The following ZNF595 variants were observed in gnomAD, a reference collection of about 807,000 sequenced individuals.
The protein encoded by ZNF595 is zinc finger protein 595.
In ZNF595, 9 loss-of-function variants were observed where a neutral mutation model predicts 19.4. The observed-to-expected ratio is 0.46, with a 90% CI of 0.28 to 0.81. ZNF595 has a LOEUF of 0.81. Among genes scored for constraint, ZNF595 ranks in the 30% least tolerant of loss-of-function variants. The pLI, the probability that ZNF595 is intolerant of heterozygous loss-of-function variation, is 0.11. For missense variants in ZNF595, 729 were observed against 736.0 expected (o/e 0.99, Z 0.11); for synonymous variants, 255 against 255.9 (o/e 1.00, Z 0.03).
chr4:69,839 T>C (rs1553797613), intron 3 of ZNF595, among the ~76,000 whole-genome samples: 2 of 152,182 alleles, frequency 1.3e-5, no homozygotes, highest in African/African-American at 4.8e-5. Context: ...TCAAGACATT[T>C]TTGCCCAGTT....
At chr4:83,611 C>A (rs1316062280) in intron 3 of ZNF595, among the ~76,000 whole-genome samples, 1 of 113,584 alleles carries the variant, frequency 8.8e-6, no homozygotes, top group Non-Finnish European at 1.7e-5. Flanking sequence ...CAGAGTGAGA[C>A]TCCGTCTCAA....
Position 86,126 on chromosome 4 carries a change from G to C in ZNF595, c.622G>C (p.Ala208Pro), listed in dbSNP as rs1308933450. 6.2e-7 allele frequency: 1 copy of C among 1,613,536 alleles called. No individual in the cohort carries two copies. Among genetic ancestry groups the C allele is most frequent in the African/African-American group, 1.3e-5 (1 of 74,908 alleles). The change falls in exon 4 of 4, where the codon GCC (alanine) becomes CCC (proline). Residue 208 changes from alanine (A) to proline (P), a missense_variant. Physicochemically the swap from Ala to Pro is conservative, Grantham distance 27 (BLOSUM62 -1). Coordinates refer to ENST00000610261, the MANE Select transcript of ZNF595 (RefSeq NM_182524.4). ...CTACAAATGTGAAAAATGTGGCAAA[G>C]CCTTTAATAGGTCCACATCACTTAG... is the stretch of plus-strand genomic sequence containing the variant. ...KPYKCEKCGK[A>P]FNRSTSLSKH... is the part of the protein sequence containing the mutation.
At chr4:77,054 A>T (rs960930153) in intron 3 of ZNF595, among the ~76,000 whole-genome samples, 6 of 152,104 alleles carry the variant, frequency 3.9e-5, no homozygotes, top group Admixed American at 2.6e-4. Flanking sequence ...TTCTCTCTCT[A>T]CCCTGAACAT....
chr4:84,134 A>C (rs1412206041), intron 3 of ZNF595, among the ~76,000 whole-genome samples: 1 of 152,132 alleles, frequency 6.6e-6, no homozygotes, highest in Non-Finnish European at 1.5e-5. Flanking sequence ...TATTAATGTC[A>C]CTAATTATAT....
intron 3 of ZNF595, among the ~76,000 whole-genome samples, chr4:76,823 C>G (rs1465533185): frequency 6.6e-6 from 1 of 152,108 alleles, no homozygotes; most frequent in Admixed American, 6.5e-5. Flanking sequence ...TGCTGATAAC[C>G]TTATAGGGGT....
intron 3 of ZNF595, among the ~76,000 whole-genome samples, chr4:72,449 G>A (rs1402275619): frequency 1.3e-5 from 2 of 152,148 alleles, no homozygotes; most frequent in Non-Finnish European, 2.9e-5. Context: ...TACATTGGTG[G>A]TTTATAGAGA....
At chr4:79,634 T>C (rs1713820172) in intron 3 of ZNF595, among the ~76,000 whole-genome samples, 1 of 152,028 alleles carries the variant, frequency 6.6e-6, no homozygotes, top group Non-Finnish European at 1.5e-5. Context: ...AGCTTTATAG[T>C]ATATTTTCGA....
At chr4:68,487 T>G (rs1581337591) in intron 3 of ZNF595, 1 of 152,254 alleles carries the variant, frequency 6.6e-6, no homozygotes, top group Non-Finnish European at 1.5e-5. Flanking sequence ...GTACAAATTC[T>G]TAACTATGTT....
intron 3 of ZNF595, among the ~76,000 whole-genome samples, chr4:69,399 C>A (rs1017366225): frequency 6.6e-6 from 1 of 152,042 alleles, no homozygotes; most frequent in African/African-American, 2.4e-5. Context: ...TCCTTACTGG[C>A]GTTTGTTATT....
chr4:74,839 A>G (rs1362744663), intron 3 of ZNF595, among the ~76,000 whole-genome samples: 1 of 152,198 alleles, frequency 6.6e-6, no homozygotes, highest in African/African-American at 2.4e-5. Flanking sequence ...AATGGGAGGC[A>G]GGTTGGCACT....
At chr4:80,803 A>C (rs1384087220) in intron 3 of ZNF595, among the ~76,000 whole-genome samples, 4 of 151,276 alleles carry the variant, frequency 2.6e-5, no homozygotes, top group African/African-American at 9.7e-5. Flanking sequence ...CTGGATGTAC[A>C]CGTGCAGGCT....
At chr4:69,221 G>T (rs1487046162) in intron 3 of ZNF595, among the ~76,000 whole-genome samples, 5 of 152,186 alleles carry the variant, frequency 3.3e-5, no homozygotes, top group African/African-American at 1.2e-4. Flanking sequence ...AAATGGAGGT[G>T]CAGATATCTC....
rs782259809 is a variant in ZNF595 at position 87,220 on chromosome 4, C to G, written c.1716C>G (p.Ala572=). 1 of 1,594,604 alleles carries G rather than the reference C, an allele frequency of 6.3e-7. No homozygotes were observed. Among genetic ancestry groups the G allele is most frequent in the South Asian group, 1.1e-5 (1 of 90,340 alleles). The change falls in exon 4 of 4, where the codon GCC becomes GCG. Residue 572 remains alanine (A), a synonymous_variant. Coordinates refer to ENST00000610261, the MANE Select transcript of ZNF595 (RefSeq NM_182524.4). ...KPYKCKECGK[A]YNLSSTLTKH... The stretch of plus-strand genomic sequence containing the variant: ...ACAAATGCAAAGAATGTGGCAAAGC[C>G]TATAACTTATCCTCAACCCTTACTA...
rs782366060 is a variant in ZNF595, at chr4:82,793, G to A, written c.227-2938G>A. Among the ~76,000 whole-genome samples, 54 of 152,232 alleles carry A rather than the reference G, an allele frequency of 3.5e-4. 1 individual carries two copies. Among genetic ancestry groups the A allele is most frequent in the South Asian group, 1.2e-3 (6 of 4,820 alleles). The stretch of plus-strand genomic sequence containing the variant: ...GTTAAGACTTTTTTGTAGCCTAACA[G>A]GTGGTCTATCAAGGAGAATATTTTA... On this transcript the variant is annotated intron_variant, in intron 3 of 3. Coordinates refer to ENST00000610261, the MANE Select transcript of ZNF595 (RefSeq NM_182524.4).
chr4:68,791 A>G (rs1295828587), intron 3 of ZNF595, among the ~76,000 whole-genome samples: 4 of 152,190 alleles, frequency 2.6e-5, no homozygotes, highest in African/African-American at 7.2e-5. Context: ...TTACTTAAAA[A>G]TGTACAATTA....
chr4:82,371 GGTTTTTTTTTTTTTT>G (rs1157872187), intron 3 of ZNF595, among the ~76,000 whole-genome samples: 12 of 97,714 alleles, frequency 1.2e-4, no homozygotes, highest in African/African-American at 4.0e-4. Context: ...TTTGGTTTGT[GGTTTTTTTTTTTTTT>G]TTTTTTTTTT....
intron 3 of ZNF595, among the ~76,000 whole-genome samples, chr4:79,399 G>A (rs1179610788): frequency 3.3e-5 from 5 of 152,190 alleles, no homozygotes; most frequent in African/African-American, 1.2e-4. Context: ...AACAATGAAT[G>A]AACATGCATG....
Position 73,521 on chromosome 4 carries a change from T to C in ZNF595, c.227-12210T>C, listed in dbSNP as rs1303805792. ...ATTTAGAATCGGTGAATTTGAGATA[T>C]CTAAAGAGGGAGCATCATCAAAGTC... On this transcript the variant is annotated intron_variant, in intron 3 of 3. Transcript: ENST00000610261. Among the ~76,000 whole-genome samples, 4 of 152,282 alleles carry C rather than the reference T, an allele frequency of 2.6e-5. No individual in the cohort carries two copies. The South Asian group carries it at 8.3e-4, about 32-fold the overall frequency.
At chr4:79,098 A>G (rs782325540) in intron 3 of ZNF595, among the ~76,000 whole-genome samples, 5 of 152,220 alleles carry the variant, frequency 3.3e-5, no homozygotes, top group Non-Finnish European at 7.3e-5. Context: ...AATACCTTAT[A>G]AACAATAAGT....
Sources: allele counts gnomAD v4.1 joint callset (sites outside exome capture counted in the v4.1 genomes callset), GRCh38; gene constraint gnomAD v4.1.1; transcripts MANE v1.5; gene names NCBI Gene and HGNC (gene_info 2026-07-23, HGNC 2026-07-21).